Variants in SLC4A2 observed in about 807,000 individuals in gnomAD.
SLC4A2 encodes anion exchange protein 2.
SLC4A2 carries 36 observed loss-of-function variants against 115.0 expected under a neutral mutation model. That is an observed-to-expected ratio of 0.31 (90% CI 0.24 to 0.41). The LOEUF is 0.41. Ranked by LOEUF, SLC4A2 falls within the 10% of genes least tolerant of loss-of-function variation. The pLI is 1.00. For synonymous variants in SLC4A2, 708 were observed against 708.3 expected (o/e 1.00, Z 0.01); for missense variants, 1,252 against 1,705.6 (o/e 0.73, Z 4.68).
At chr7:151,065,090 C>A (rs1797187206) in intron 5 of SLC4A2, 124 bp downstream of exon 5, 1 of 728,186 alleles carries the variant, frequency 1.4e-6, no homozygotes, top group Non-Finnish European at 2.4e-6. Flanking sequence ...CAGGCCCGCA[C>A]TCACTGGCTG....
At position 151,074,231 on chromosome 7, in the gene SLC4A2, G is replaced by A. The variant is rs757368981; in HGVS notation, c.2728G>A (p.Gly910Ser). Residue 910 changes from glycine (G) to serine (S), a missense_variant, in exon 17 of 23, where the codon GGC becomes AGC. Coordinates refer to ENST00000413384, the MANE Select transcript of SLC4A2 (RefSeq NM_003040.4). ...TALLSLVLMA[G>S]TFFIAFFLRK... ...CCTGCTGTCGCTGGTGCTCATGGCC[G>A]GCACCTTCTTCATCGCCTTCTTCCT... The A allele has an allele frequency of 6.8e-6, 11 of 1,612,680 alleles. No homozygotes were observed. Among genetic ancestry groups the A allele is most frequent in the Middle Eastern group, 1.6e-4 (1 of 6,078 alleles).
chr7:151,062,384 C>T (rs1797079045), intron 2 of SLC4A2, among the ~76,000 whole-genome samples: 1 of 152,192 alleles, frequency 6.6e-6, no homozygotes, highest in Non-Finnish European at 1.5e-5. Context: ...GCACGCGGGC[C>T]AGGGTTCTGG....
chr7:151,070,540 T>C lies in SLC4A2; in HGVS notation c.1533T>C (p.Pro511=), dbSNP rs1316266708. ...AGCTGAAACTGCTGGAGAAGATTCCTGAGAATGCCGAGGCCACGGTGGTCC... is the reference window on the plus strand; with the variant it reads ...AGCTGAAACTGCTGGAGAAGATTCCCGAGAATGCCGAGGCCACGGTGGTCC... ...KHELKLLEKI[P]ENAEATVVLV... is the part of the protein sequence containing the mutation. The change falls in exon 11 of 23, where the codon CCT becomes CCC. Residue 511 remains proline (P), a synonymous_variant. Coordinates refer to ENST00000413384, the MANE Select transcript of SLC4A2 (RefSeq NM_003040.4). 24 of 1,613,588 alleles carry C rather than the reference T, an allele frequency of 1.5e-5. No individual in the cohort carries two copies. Among genetic ancestry groups the C allele is most frequent in the Non-Finnish European group, 2.0e-5 (24 of 1,179,872 alleles).
intron 2 of SLC4A2, chr7:151,062,639 C>T (rs762971064): frequency 2.4e-5 from 36 of 1,524,014 alleles, no homozygotes; most frequent in Middle Eastern, 3.3e-4. Flanking sequence ...CCCTGCCGGC[C>T]ATGGACTTCC....
intron 2 of SLC4A2, chr7:151,063,139 CCTGCCGG>C (rs1334780922): frequency 6.6e-7 from 1 of 1,516,768 alleles, no homozygotes; most frequent in East Asian, 2.6e-5. Context: ...CGCCGCATTC[CCTGCCGG>C]CTGTGCCGGC....
At chr7:151,066,421 C>T (rs763322847) in intron 5 of SLC4A2, 96 bp from the exon 6 acceptor site, 32 of 1,386,582 alleles carry the variant, frequency 2.3e-5, no homozygotes, top group African/African-American at 7.3e-5. Flanking sequence ...GCCTGGAGTC[C>T]GATGTGGGTC....
Position 151,066,943 on chromosome 7 carries a change from C to A in SLC4A2, c.916C>A (p.Pro306Thr). 1.2e-6 allele frequency: 2 copies of A among 1,613,188 alleles called. No individual in the cohort carries two copies. Among genetic ancestry groups the A allele is most frequent in the African/African-American group, 1.3e-5 (1 of 75,022 alleles). The change falls in exon 7 of 23, where the codon CCT becomes ACT. Residue 306 changes from proline (P) to threonine (T), a missense_variant. Pro to Thr is a conservative substitution (Grantham distance 38). Coordinates refer to ENST00000413384, the MANE Select transcript of SLC4A2 (RefSeq NM_003040.4). ...ACAGAGTGGCCGAGAAGGGCGGGAG[C>A]CTGGCCCCACACCTCGGGCCCGACC... ...STQSGREGRE[P>T]GPTPRARPRA...
intron 16 of SLC4A2, among the ~76,000 whole-genome samples, chr7:151,073,793 C>G (rs1415327946): frequency 1.3e-5 from 2 of 152,204 alleles, no homozygotes; most frequent in South Asian, 2.1e-4. Flanking sequence ...TGGATCCTCT[C>G]TGGGCCTGGC....
At chr7:151,074,628 T>G (rs760971874) in intron 18 of SLC4A2, 47 bp from the exon 19 acceptor site, 2 of 1,576,230 alleles carry the variant, frequency 1.3e-6, no homozygotes, top group Non-Finnish European at 1.7e-6. Context: ...TGGCATGCCC[T>G]CCACATTCAC....
In SLC4A2 at chr7:151,070,008, G is replaced by T; in HGVS notation, c.1209G>T (p.Glu403Asp). Residue 403 changes from glutamate to aspartate, a missense_variant, in exon 9 of 23, where the codon GAG becomes GAT. Around this residue, in one of 14 missense-constraint regions of SLC4A2, gnomAD observed 142 missense variants for 153.5 expected, o/e 0.93. Transcript: ENST00000413384. ...CCGGAGTGGCCCACCAGGTGGTGGAGCAGATGGTCATCTCTGACCAGATCA... is the reference window on the plus strand; with the variant it reads ...CCGGAGTGGCCCACCAGGTGGTGGATCAGATGGTCATCTCTGACCAGATCA... ...TLPGVAHQVV[E>D]QMVISDQIKA... 1.2e-6 allele frequency: 2 copies of T among 1,614,132 alleles called. No homozygotes were observed. The highest frequency in any genetic ancestry group is 1.7e-6 in the Non-Finnish European group (2 of 1,180,024).
At chr7:151,063,282 G>A (rs1797118820) in intron 2 of SLC4A2, 1 of 990,748 alleles carries the variant, frequency 1.0e-6, no homozygotes, top group Non-Finnish European at 1.4e-6. Flanking sequence ...CTCTCCTGGG[G>A]GCTGAAGGGC....
At position 151,064,693 on chromosome 7, in the gene SLC4A2, G is replaced by T; in HGVS notation, c.385G>T (p.Asp129Tyr). The T allele has an allele frequency of 6.2e-7, 1 of 1,613,752 alleles. No individual in the cohort carries two copies. Among genetic ancestry groups the T allele is most frequent in the Non-Finnish European group, 8.5e-7 (1 of 1,179,836 alleles). Residue 129 changes from aspartate to tyrosine, a missense_variant, in exon 4 of 23, where the codon GAT becomes TAT. Asp to Tyr is a radical substitution (Grantham distance 160, BLOSUM62 -3). Transcript: ENST00000413384. ...CATTGAGGAGGGGGAGGAAGATGAG[G>T]ATGAGGCCAGCGAGGCTGAGGGGGC... Reference protein sequence around the residue: ...PTIEEGEEDEDEASEAEGARA... With the variant: ...PTIEEGEEDEYEASEAEGARA...
intron 8 of SLC4A2, among the ~76,000 whole-genome samples, chr7:151,069,075 C>G (rs1797334411): frequency 7.1e-6 from 1 of 139,912 alleles, no homozygotes; most frequent in Non-Finnish European, 1.5e-5. Flanking sequence ...GGAGGTAGAG[C>G]TTGCAGTGAG....
chr7:151,062,176 T>C, intron 2 of SLC4A2, 138 bp downstream of exon 2: 2 of 725,234 alleles, frequency 2.8e-6, no homozygotes, highest in Non-Finnish European at 4.7e-6. Context: ...ATCCCTACCC[T>C]GACTTTGCAT....
chr7:151,067,841 G>A (rs1797289676), intron 7 of SLC4A2, 33 bp from the exon 8 acceptor site: 1 of 1,606,666 alleles, frequency 6.2e-7, no homozygotes, highest in East Asian at 2.2e-5. Context: ...CTCCGGCTCT[G>A]TACCCTGAAA....
At chr7:151,070,688 G>GCTGCT in intron 11 of SLC4A2, 39 bp from the exon 12 acceptor site, 1 of 1,608,816 alleles carries the variant, frequency 6.2e-7, no homozygotes, top group African/African-American at 1.3e-5. Flanking sequence ...AGGCGGTCCT[G>GCTGCT]CTGCTCTGCT....
At chr7:151,067,119 C>G (rs952625904) in intron 7 of SLC4A2, 126 bp downstream of exon 7, 1 of 1,030,046 alleles carries the variant, frequency 9.7e-7, no homozygotes, top group Non-Finnish European at 1.4e-6. Flanking sequence ...GAGACAGTCT[C>G]GCTCTGTTGC....
chr7:151,062,851 C>T (rs1210239311), intron 2 of SLC4A2: 4 of 1,380,982 alleles, frequency 2.9e-6, no homozygotes, highest in African/African-American at 1.5e-5. Flanking sequence ...TTCTCTTATC[C>T]GGTGTTCTGC....
chr7:151,059,445 C>T (rs1470541771), upstream of SLC4A2: 1 of 151,984 alleles, frequency 6.6e-6, no homozygotes, highest in Non-Finnish European at 1.5e-5. This position sits in a 1 kb window ranked among gnomAD's most constrained non-coding sequence, Gnocchi z 5.8. Flanking sequence ...GCTCCCGAGC[C>T]CCGAGTGGAG....
Sources: gnomAD v4.1 joint callset for allele counts (sites outside exome capture counted in the v4.1 genomes callset) on GRCh38, gnomAD v4.1.1 for gene constraint, gnomAD v4.1.1 regional missense constraint, Gnocchi (gnomAD v3.1) non-coding constraint, MANE v1.5 for transcripts, NCBI Gene and HGNC (gene_info 2026-07-23, HGNC 2026-07-21) for gene names.